Variants in AXDND1 observed in about 807,000 individuals in gnomAD.
The protein encoded by AXDND1 is axonemal dynein light chain domain containing 1.
In AXDND1, 110 loss-of-function variants were observed where a neutral mutation model predicts 137.5. The observed-to-expected ratio is 0.80, with a 90% CI of 0.69 to 0.94. AXDND1 has a LOEUF of 0.94. Among genes scored for constraint, AXDND1 ranks in the 40% least tolerant of loss-of-function variants. The pLI is 0.00. For synonymous variants in AXDND1, 414 were observed against 399.7 expected (o/e 1.04, Z -0.43); for missense variants, 1,191 against 1,169.8 (o/e 1.02, Z -0.26).
chr1:179,525,794 C>CATATATAT (rs35491447), intron 22 of AXDND1, among the ~76,000 whole-genome samples: 1 of 141,304 alleles, frequency 7.1e-6, no homozygotes, highest in African/African-American at 2.6e-5. Flanking sequence ...ATGCTTGGAC[C>CATATATAT]ATATATATAT....
intron 20 of AXDND1, among the ~76,000 whole-genome samples, chr1:179,493,782 G>C (rs1667168343): frequency 6.6e-6 from 1 of 152,128 alleles, no homozygotes; most frequent in African/African-American, 2.4e-5. Flanking sequence ...ACCCTGCTTT[G>C]ATCTTTACAC....
intron 9 of AXDND1, among the ~76,000 whole-genome samples, chr1:179,393,534 C>T (rs1650525734): frequency 6.6e-6 from 1 of 151,838 alleles, no homozygotes; most frequent in Non-Finnish European, 1.5e-5. Flanking sequence ...GTGGGAATTG[C>T]ATGGAATCTG....
intron 17 of AXDND1, among the ~76,000 whole-genome samples, chr1:179,470,557 A>T (rs1663794626): frequency 6.6e-6 from 1 of 152,130 alleles, no homozygotes; most frequent in Non-Finnish European, 1.5e-5. Flanking sequence ...TGCAAATAAG[A>T]TTTTTAAAAC....
At chr1:179,452,169 AGGTG>A in intron 16 of AXDND1, 1 of 153,176 alleles carries the variant, frequency 6.5e-6, no homozygotes, top group East Asian at 1.9e-4. Flanking sequence ...ACTGGAGCAA[AGGTG>A]ACTCTTGTTA....
At position 179,486,139 on chromosome 1, in the gene AXDND1, A is replaced by AAACAAAAACAAAAAACT. The variant is rs1553291081; in HGVS notation, c.2091+2921_2091+2922insAAAAACAAAAAACTAAC. ...TGTCTCAAAAAAAAAAAAAAAAAAA[A>AAACAAAAACAAAAAACT]AACCTGATAGAAATGAAAAACACAC... On this transcript the variant is annotated intron_variant, in intron 18 of 25. Coordinates refer to ENST00000367618, the MANE Select transcript of AXDND1 (RefSeq NM_144696.6). Among the ~76,000 whole-genome samples the AAACAAAAACAAAAAACT allele has an allele frequency of 2.3e-5, 2 of 87,770 alleles. 1 individual carries two copies. Among genetic ancestry groups the AAACAAAAACAAAAAACT allele is most frequent in the Non-Finnish European group, 4.6e-5 (2 of 43,310 alleles). The allele number at this position is 87,770 out of a possible 152,430, so 57.6% of individuals were successfully genotyped here. A position where few individuals can be genotyped will look rare whatever the true frequency, so the allele number is the denominator to read the frequency against.
At chr1:179,436,649 A>G (rs1179773699) in intron 15 of AXDND1, among the ~76,000 whole-genome samples, 1 of 152,126 alleles carries the variant, frequency 6.6e-6, no homozygotes, top group Non-Finnish European at 1.5e-5. Flanking sequence ...ATGAGCACAC[A>G]TGGACACAGG....
chr1:179,466,285 C>CT (rs143320609), intron 16 of AXDND1, among the ~76,000 whole-genome samples: 85 of 87,800 alleles, frequency 9.7e-4, no homozygotes, highest in East Asian at 5.5e-3. Flanking sequence ...TCTTCTTCTT[C>CT]TTTTTTTTTT....
intron 21 of AXDND1, among the ~76,000 whole-genome samples, chr1:179,524,204 C>T (rs1158602798): frequency 1.3e-5 from 2 of 152,058 alleles, no homozygotes; most frequent in Non-Finnish European, 2.9e-5. Context: ...TGGGTAGATA[C>T]CCAGGAGTGG....
chr1:179,445,953 T>C (rs965632822), intron 16 of AXDND1, among the ~76,000 whole-genome samples: 1 of 152,190 alleles, frequency 6.6e-6, no homozygotes, highest in African/African-American at 2.4e-5. Flanking sequence ...TCATTTTATA[T>C]TCCCACCAGC....
chr1:179,537,890 G>C (rs772579907), intron 25 of AXDND1, among the ~76,000 whole-genome samples: 1 of 152,146 alleles, frequency 6.6e-6, no homozygotes, highest in Admixed American at 6.5e-5. Context: ...GGTCTATTCA[G>C]AGATTTGACG....
intron 11 of AXDND1, among the ~76,000 whole-genome samples, chr1:179,400,440 G>T (rs996454493): frequency 2.6e-5 from 4 of 151,906 alleles, no homozygotes; most frequent in Non-Finnish European, 1.5e-5. Context: ...GGAGGGGGAT[G>T]AGGGATAAAA....
At chr1:179,465,488 G>A (rs770457019) in intron 16 of AXDND1, among the ~76,000 whole-genome samples, 2 of 152,190 alleles carry the variant, frequency 1.3e-5, no homozygotes, top group African/African-American at 4.8e-5. Flanking sequence ...TGGAAGCCTC[G>A]TCTCAGAGGG....
Position 179,548,503 on chromosome 1 carries a change from G to A in AXDND1, c.3032-6009G>A, listed in dbSNP as rs763060734. ...TATCTTTCCAAGCCCAGAAGAAGCCGTTGGAAGTGTGTTGATGACCTCTCT... is the reference window on the plus strand; with the variant it reads ...TATCTTTCCAAGCCCAGAAGAAGCCATTGGAAGTGTGTTGATGACCTCTCT... On this transcript the variant is annotated intron_variant, in intron 25 of 25. Coordinates refer to ENST00000367618, the MANE Select transcript of AXDND1 (RefSeq NM_144696.6). Among the ~76,000 whole-genome samples, 17 of 152,260 alleles carry A rather than the reference G, an allele frequency of 1.1e-4. No individual in the cohort carries two copies. The South Asian group carries it at 2.1e-3, about 19-fold the overall frequency.
chr1:179,488,634 C>CTTTTCTTTCTTTCTTTCTTT (rs376189496), intron 18 of AXDND1, among the ~76,000 whole-genome samples: 10 of 105,172 alleles, frequency 9.5e-5, no homozygotes, highest in East Asian at 2.6e-4. Context: ...CTCTCTCTCT[C>CTTTTCTTTCTTTCTTTCTTT]CTTTCTTTCT....
intron 12 of AXDND1, among the ~76,000 whole-genome samples, chr1:179,425,588 G>A (rs1468784184): frequency 1.3e-5 from 2 of 152,000 alleles, no homozygotes; most frequent in African/African-American, 2.4e-5. Flanking sequence ...AACATGATGG[G>A]GTCTCCTGCC....
chr1:179,529,141 G>A (rs1323613779), intron 23 of AXDND1, among the ~76,000 whole-genome samples: 1 of 152,208 alleles, frequency 6.6e-6, no homozygotes, highest in African/African-American at 2.4e-5. Flanking sequence ...GTAGACTTCA[G>A]TTAGCTCTAG....
At chr1:179,470,836 G>C (rs1287187704) in intron 17 of AXDND1, among the ~76,000 whole-genome samples, 2 of 151,998 alleles carry the variant, frequency 1.3e-5, no homozygotes, top group African/African-American at 4.8e-5. Flanking sequence ...TATTCTTATG[G>C]GAAATGCATC....
intron 21 of AXDND1, among the ~76,000 whole-genome samples, chr1:179,515,954 T>C (rs549387148): frequency 1.5e-4 from 23 of 152,314 alleles, no homozygotes; most frequent in South Asian, 4.1e-4. Context: ...TGTGTTACAG[T>C]TGCCTACAGT....
At chr1:179,401,832 A>C (rs529144880) in intron 11 of AXDND1, among the ~76,000 whole-genome samples, 88 of 152,130 alleles carry the variant, frequency 5.8e-4, no homozygotes, top group Non-Finnish European at 1.0e-3. Flanking sequence ...AGGCCTCCCC[A>C]GCCACGTGGA....
Sources: gnomAD v4.1 joint callset for allele counts (sites outside exome capture counted in the v4.1 genomes callset) on GRCh38, gnomAD v4.1.1 for gene constraint, MANE v1.5 for transcripts, NCBI Gene and HGNC (gene_info 2026-07-23, HGNC 2026-07-21) for gene names.